The following FAM98B variants were observed in gnomAD, a reference collection of about 807,000 sequenced individuals.
FAM98B encodes tRNA splicing ligase complex subunit 3B, also known as tRNA-splicing ligase complex subunit FAM98B.
FAM98B carries 32 observed loss-of-function variants against 43.9 expected under a neutral mutation model. The ratio of observed to expected loss-of-function variants is 0.73; its 90% CI spans 0.55 to 0.98. FAM98B has a LOEUF of 0.98. FAM98B is among the 50% of genes least tolerant of loss of function. The probability of loss-of-function intolerance (pLI) is 0.00; values close to 1 mark genes in which losing one functional copy is unlikely to be tolerated. For synonymous variants in FAM98B, 190 were observed against 174.0 expected, an observed-to-expected ratio of 1.09 and a Z score of -0.72; for missense variants, 514 against 522.9, an observed-to-expected ratio of 0.98 and a Z score of 0.17.
In FAM98B at chr15:38,487,367, T is replaced by C. The variant is rs1186922405; in HGVS notation, c.*2708T>C. 1 of 152,130 alleles carries C rather than the reference T, an allele frequency of 6.6e-6. No individual in the cohort carries two copies. Among genetic ancestry groups the C allele is most frequent in the African/African-American group, 2.4e-5 (1 of 41,450 alleles). The allele number at this position is 152,130 out of a possible 1,614,324, so 9.4% of individuals were successfully genotyped here. On this transcript the variant is annotated 3_prime_UTR_variant, in exon 8 of 8. Coordinates refer to ENST00000397609, the MANE Select transcript of FAM98B (RefSeq NM_173611.4). ...ACCAGAAAAATGTCCTGAGCAGTGA[T>C]ACTATCTATACCTTGGAAGGAGCAC...
chr15:38,475,798 A>G (rs1890190527), intron 6 of FAM98B, among the ~76,000 whole-genome samples: 1 of 152,250 alleles, frequency 6.6e-6, no homozygotes, highest in South Asian at 2.1e-4. Flanking sequence ...GGGCTAGTCA[A>G]CTTACAAAGG....
At chr15:38,467,836 A>G (rs933822245) in intron 3 of FAM98B, among the ~76,000 whole-genome samples, 2 of 152,248 alleles carry the variant, frequency 1.3e-5, no homozygotes, top group Non-Finnish European at 1.5e-5. Context: ...CAGATAAATC[A>G]AATGTGCTGA....
chr15:38,456,375 C>G (rs1178225406), intron 1 of FAM98B, among the ~76,000 whole-genome samples: 1 of 152,166 alleles, frequency 6.6e-6, no homozygotes, highest in African/African-American at 2.4e-5. Flanking sequence ...TCATAATCTT[C>G]AGAGGTACAG....
At position 38,481,392 on chromosome 15, in the gene FAM98B, A is replaced by G. The variant is rs139435266; in HGVS notation, c.830A>G (p.Asp277Gly). 6.2e-7 allele frequency: 1 copy of G among 1,614,206 alleles called. No homozygotes were observed. The highest frequency in any genetic ancestry group is 1.7e-5 in the Admixed American group (1 of 60,028). The change falls in exon 7 of 8, where the codon GAT becomes GGT. Residue 277 changes from aspartate to glycine, a missense_variant. Physicochemically the swap from Asp to Gly is moderately conservative, Grantham distance 94 (BLOSUM62 -1). Coordinates refer to ENST00000397609, the MANE Select transcript of FAM98B (RefSeq NM_173611.4). ...TMAHLLAARE[D>G]LSKIIRTSSG... The stretch of plus-strand genomic sequence containing the variant: ...GCACATCTACTTGCTGCTCGTGAAG[A>G]TCTATCCAAGATCATTAGGACAAGT...
rs559325215 is a variant in FAM98B, at chr15:38,457,323, A to T, written c.71+3091A>T. 4.6e-5 allele frequency among the ~76,000 whole-genome samples: 7 copies of T among 152,322 alleles called. No homozygotes were observed. In the South Asian group the frequency reaches 1.4e-3, roughly 32 times the overall value. On this transcript the variant is annotated intron_variant, in intron 1 of 7. Transcript: ENST00000397609. ...TGAGCCACCACGCCCCAACAGATTA[A>T]TTTCTTCAGTTGGTATTTATTGAGC... is the stretch of plus-strand genomic sequence containing the variant.
intron 6 of FAM98B, among the ~76,000 whole-genome samples, chr15:38,477,415 G>T (rs1890218594): frequency 6.6e-6 from 1 of 151,924 alleles, no homozygotes; most frequent in Admixed American, 6.5e-5. Flanking sequence ...TGAAATGTTG[G>T]TTCCCTTTTT....
intron 3 of FAM98B, among the ~76,000 whole-genome samples, chr15:38,469,762 C>T (rs147120317): frequency 2.2e-4 from 33 of 150,750 alleles, no homozygotes; most frequent in African/African-American, 7.8e-4. Flanking sequence ...TAGTTTTTTG[C>T]TTGTAGTGCC....
chr15:38,456,422 C>T (rs747590542), intron 1 of FAM98B, among the ~76,000 whole-genome samples: 55 of 152,182 alleles, frequency 3.6e-4, no homozygotes, highest in Non-Finnish European at 7.5e-4. Flanking sequence ...TTCACAGACT[C>T]AGTTGAGAAA....
chr15:38,467,096 T>C (rs568980452), intron 3 of FAM98B, among the ~76,000 whole-genome samples: 16 of 152,302 alleles, frequency 1.1e-4, no homozygotes, highest in African/African-American at 3.8e-4. Context: ...CTTGTTTATA[T>C]TTTTGCTTAC....
chr15:38,459,386 TTGAC>T, intron 1 of FAM98B: 1 of 404,522 alleles, frequency 2.5e-6, no homozygotes, highest in South Asian at 1.9e-5. Context: ...GTGGAAGAGC[TTGAC>T]TGGCCATGCT....
chr15:38,475,042 CTG>C (rs1222631360), intron 6 of FAM98B, among the ~76,000 whole-genome samples: 1 of 152,160 alleles, frequency 6.6e-6, no homozygotes, highest in Non-Finnish European at 1.5e-5. Context: ...TGTATCTTGA[CTG>C]AAAGTGGAAT....
chr15:38,457,956 A>C (rs907922544), intron 1 of FAM98B, among the ~76,000 whole-genome samples: 2 of 148,512 alleles, frequency 1.3e-5, no homozygotes, highest in African/African-American at 4.9e-5. Flanking sequence ...TAACAATCTT[A>C]CTTTTTTTTT....
At position 38,483,870 on chromosome 15, in the gene FAM98B, A is replaced by G. The variant is rs915872351; in HGVS notation, c.898-385A>G. On this transcript the variant is annotated intron_variant, in intron 7 of 7. Coordinates refer to ENST00000397609, the MANE Select transcript of FAM98B (RefSeq NM_173611.4). ...ATAATTGTACATATGTATGAGGTAC[A>G]TAGTGATGTTTTGATACATACAATG... Among the ~76,000 whole-genome samples, 8 of 152,064 alleles carry G rather than the reference A, an allele frequency of 5.3e-5. No individual in the cohort carries two copies. In the East Asian group the frequency reaches 1.4e-3, roughly 26 times the overall value.
intron 3 of FAM98B, among the ~76,000 whole-genome samples, chr15:38,468,600 AATTG>A (rs1162308936): frequency 6.6e-6 from 1 of 152,178 alleles, no homozygotes. Flanking sequence ...AAAGTTTAAT[AATTG>A]ATCTTAATAT....
intron 1 of FAM98B, among the ~76,000 whole-genome samples, chr15:38,455,164 A>G (rs748885053): frequency 6.6e-5 from 10 of 152,214 alleles, no homozygotes; most frequent in Admixed American, 3.3e-4. Flanking sequence ...GCAACACACT[A>G]GAACGGAGTC....
rs1174416759 is a variant in FAM98B at position 38,464,172 on chromosome 15, C to T, written c.212C>T (p.Ser71Phe). Residue 71 changes from serine (S) to phenylalanine (F), a missense_variant, in exon 2 of 8, where the codon TCT becomes TTT. Around this residue, in one of 2 missense-constraint regions of FAM98B, gnomAD observed 469 missense variants for 451.8 expected, o/e 1.04. Transcript: ENST00000397609. ...SLCNLEESITSAGRDDLESFQ... is the reference protein window; with the variant it reads ...SLCNLEESITFAGRDDLESFQ... Reference sequence around the variant, plus strand: ...TGCAACTTGGAAGAAAGTATCACGTCTGCTGGTATTGCCATTATGTTGTAT... The same window carrying T: ...TGCAACTTGGAAGAAAGTATCACGTTTGCTGGTATTGCCATTATGTTGTAT... 6.2e-7 allele frequency: 1 copy of T among 1,612,032 alleles called. No individual in the cohort carries two copies. Among genetic ancestry groups the T allele is most frequent in the South Asian group, 1.1e-5 (1 of 90,660 alleles).
intron 6 of FAM98B, 54 bp from the exon 7 acceptor site, chr15:38,481,238 C>A: frequency 7.0e-7 from 1 of 1,431,998 alleles, no homozygotes; most frequent in Non-Finnish European, 9.7e-7. Context: ...ATTGTTTTTG[C>A]TCTTTCATTA....
At chr15:38,480,981 C>T (rs1176483710) in intron 6 of FAM98B, among the ~76,000 whole-genome samples, 1 of 151,698 alleles carries the variant, frequency 6.6e-6, no homozygotes, top group Non-Finnish European at 1.5e-5. Context: ...CTGATGTTTC[C>T]CTTTTAAATG....
chr15:38,478,300 G>T (rs1380245228), intron 6 of FAM98B, among the ~76,000 whole-genome samples: 1 of 151,882 alleles, frequency 6.6e-6, no homozygotes, highest in Non-Finnish European at 1.5e-5. Context: ...CAAGGAGTTT[G>T]TGTTTTTGTT....
Sources: allele counts gnomAD v4.1 joint callset (sites outside exome capture counted in the v4.1 genomes callset), GRCh38; gene constraint gnomAD v4.1.1; regional missense constraint gnomAD v4.1.1; transcripts MANE v1.5; gene names NCBI Gene and HGNC (gene_info 2026-07-23, HGNC 2026-07-21).